AGMO: variants seen among roughly 807,000 people sequenced by gnomAD.
AGMO encodes the protein alkylglycerol monooxygenase.
Under a neutral mutation model 60.2 loss-of-function variants are expected in AGMO, and 75 were observed. The observed-to-expected ratio is 1.25, with a 90% CI of 1.03 to 1.51. AGMO has a LOEUF of 1.51. Among genes scored for constraint, AGMO ranks in the 40% most tolerant of loss-of-function variants. The probability of loss-of-function intolerance (pLI) is 0.00; values close to 1 mark genes in which losing one functional copy is unlikely to be tolerated. For synonymous variants in AGMO, 261 were observed against 177.1 expected, an observed-to-expected ratio of 1.47 and a Z score of -3.76; for missense variants, 763 against 525.5, an observed-to-expected ratio of 1.45 and a Z score of -4.42.
chr7:15,367,314 A>T (rs1783025948), intron 10 of AGMO, among the ~76,000 whole-genome samples: 1 of 151,886 alleles, frequency 6.6e-6, no homozygotes, highest in South Asian at 2.1e-4. Context: ...TTATAAAATT[A>T]ATATGCATTT....
rs555236769 is a variant in AGMO, at chr7:15,559,260, C to T, written c.257+881G>A. ...GAGCTAAAACTATTAAGAACATACACCTCTTGCTCTCAAGTTGTGTGCAAG... is the reference window on the plus strand; with the variant it reads ...GAGCTAAAACTATTAAGAACATACATCTCTTGCTCTCAAGTTGTGTGCAAG... On this transcript the variant is annotated intron_variant, in intron 2 of 12. Transcript: ENST00000342526. 4.9e-4 allele frequency among the ~76,000 whole-genome samples: 75 copies of T among 152,222 alleles called. 1 individual carries two copies. The South Asian group carries it at 0.015, about 30-fold the overall frequency.
At chr7:15,120,687 T>C in the AGMO span, among the ~76,000 whole-genome samples, 1 of 152,130 alleles carries the variant, frequency 6.6e-6, no homozygotes, top group South Asian at 2.1e-4. Flanking sequence ...AAAAAATACA[T>C]GGCTGTTGTT....
At chr7:15,409,990 AAAATAAATAAATAAT>A (rs1490084001) in intron 5 of AGMO, among the ~76,000 whole-genome samples, 1 of 151,548 alleles carries the variant, frequency 6.6e-6, no homozygotes, top group Non-Finnish European at 1.5e-5. Flanking sequence ...GGCTCACAAT[AAAATAAATAAATAAT>A]AAATAAATAA....
intron 3 of AGMO, among the ~76,000 whole-genome samples, chr7:15,536,486 G>A (rs1784486331): frequency 6.6e-6 from 1 of 151,806 alleles, no homozygotes; most frequent in South Asian, 2.1e-4. Context: ...GTAAATTTCA[G>A]AATTAATGGC....
chr7:15,177,123 A>AT, the AGMO span, among the ~76,000 whole-genome samples: 2 of 151,946 alleles, frequency 1.3e-5, no homozygotes, highest in East Asian at 1.9e-4. Flanking sequence ...ATTTAAAAAC[A>AT]TTTTTTTTGG....
intron 12 of AGMO, among the ~76,000 whole-genome samples, chr7:15,345,098 T>C (rs1037098926): frequency 6.6e-6 from 1 of 152,208 alleles, no homozygotes; most frequent in Non-Finnish European, 1.5e-5. Context: ...ATTTCTTCTT[T>C]ACAAAACACA....
At chr7:15,510,333 G>C (rs1783636518) in intron 3 of AGMO, among the ~76,000 whole-genome samples, 1 of 151,492 alleles carries the variant, frequency 6.6e-6, no homozygotes, top group African/African-American at 2.4e-5. Context: ...GCCTAGCTAA[G>C]TTTTTTTTGT....
the AGMO span, among the ~76,000 whole-genome samples, chr7:15,187,864 A>C: frequency 6.7e-6 from 1 of 149,274 alleles, no homozygotes; most frequent in African/African-American, 2.5e-5. Flanking sequence ...ACTCCCCATT[A>C]GGATCTCTCG....
chr7:15,542,769 C>T (rs1784665796), intron 3 of AGMO, among the ~76,000 whole-genome samples: 1 of 152,032 alleles, frequency 6.6e-6, no homozygotes. Flanking sequence ...TTGGAGTAGC[C>T]TTTGCATTTA....
At chr7:15,522,492 C>A (rs1784023750) in intron 3 of AGMO, among the ~76,000 whole-genome samples, 1 of 151,978 alleles carries the variant, frequency 6.6e-6, no homozygotes, top group Non-Finnish European at 1.5e-5. Context: ...GTACTAGTAC[C>A]AAAACAGGTA....
chr7:15,187,088 A>C, the AGMO span, among the ~76,000 whole-genome samples: 2 of 152,226 alleles, frequency 1.3e-5, no homozygotes, highest in Non-Finnish European at 2.9e-5. Flanking sequence ...GTAAATAAAC[A>C]AATAAGTGAA....
intron 5 of AGMO, among the ~76,000 whole-genome samples, chr7:15,416,796 T>A (rs1780786700): frequency 6.6e-6 from 1 of 152,184 alleles, no homozygotes; most frequent in Non-Finnish European, 1.5e-5. Flanking sequence ...CTAAAGGCTG[T>A]CATTTTCAGT....
At chr7:15,272,342 G>A (rs1031507347) in intron 12 of AGMO, among the ~76,000 whole-genome samples, 124 of 135,690 alleles carry the variant, frequency 9.1e-4, no homozygotes, top group African/African-American at 3.2e-3. Flanking sequence ...AAGTGTTCTC[G>A]TTGTTCAATT....
chr7:15,457,350 ATAGT>A (rs1333064656), intron 3 of AGMO, among the ~76,000 whole-genome samples: 5 of 152,290 alleles, frequency 3.3e-5, no homozygotes, highest in East Asian at 3.9e-4. Context: ...GTAAAGAAAC[ATAGT>A]TAATTTTGTT....
intron 3 of AGMO, among the ~76,000 whole-genome samples, chr7:15,533,130 T>G (rs1208025173): frequency 6.6e-6 from 1 of 152,214 alleles, no homozygotes. Flanking sequence ...TTGGTTTTTA[T>G]ACACATGGAG....
At chr7:15,240,148 T>C (rs1782548408) in intron 12 of AGMO, among the ~76,000 whole-genome samples, 1 of 152,184 alleles carries the variant, frequency 6.6e-6, no homozygotes, top group Non-Finnish European at 1.5e-5. Context: ...CATCTATTTA[T>C]TCAATACATG....
intron 3 of AGMO, among the ~76,000 whole-genome samples, chr7:15,470,257 A>G (rs1782415149): frequency 6.6e-6 from 1 of 152,090 alleles, no homozygotes; most frequent in African/African-American, 2.4e-5. Flanking sequence ...CATTGTAGGA[A>G]GAGTTTCTGG....
chr7:15,304,565 G>C (rs562882258), intron 12 of AGMO, among the ~76,000 whole-genome samples: 262 of 152,194 alleles, frequency 1.7e-3, no homozygotes, highest in African/African-American at 5.9e-3. Context: ...ATTTGGGTTT[G>C]TCAAGTTATT....
intron 12 of AGMO, among the ~76,000 whole-genome samples, chr7:15,339,330 C>A (rs1270722306): frequency 6.6e-6 from 1 of 152,072 alleles, no homozygotes; most frequent in Non-Finnish European, 1.5e-5. Context: ...AATTAGATAT[C>A]CAAATGGAAT....
Sources: allele counts gnomAD v4.1 joint callset (sites outside exome capture counted in the v4.1 genomes callset), GRCh38; gene constraint gnomAD v4.1.1; transcripts MANE v1.5; gene names NCBI Gene and HGNC (gene_info 2026-07-23, HGNC 2026-07-21).